The following ADCY7 variants were observed in gnomAD, a reference collection of about 807,000 sequenced individuals.
ADCY7 encodes the protein adenylate cyclase 7, also known as adenylate cyclase type 7.
In ADCY7, 72 loss-of-function variants were observed where a neutral mutation model predicts 120.6. The ratio of observed to expected loss-of-function variants is 0.60; its 90% CI spans 0.49 to 0.73. The LOEUF (loss-of-function observed/expected upper bound fraction) is 0.73, where lower values mean the gene tolerates loss of function less well. ADCY7 is among the 30% of genes least tolerant of loss of function. The pLI, the probability that ADCY7 is intolerant of heterozygous loss-of-function variation, is 0.00. For synonymous variants in ADCY7, 661 were observed against 628.0 expected, an observed-to-expected ratio of 1.05 and a Z score of -0.78; for missense variants, 1,227 against 1,486.0, an observed-to-expected ratio of 0.83 and a Z score of 2.87.
intron 1 of ADCY7, among the ~76,000 whole-genome samples, chr16:50,282,459 G>C (rs2150910828): frequency 6.6e-6 from 1 of 152,286 alleles, no homozygotes; most frequent in South Asian, 2.1e-4. Context: ...AGGGATAAGG[G>C]AGTGTGTGTG....
At chr16:50,291,322 G>T (rs994723880) in intron 3 of ADCY7, among the ~76,000 whole-genome samples, 2 of 151,638 alleles carry the variant, frequency 1.3e-5, no homozygotes, top group African/African-American at 2.4e-5. Context: ...AGGACCAGCC[G>T]GTGGGGATGG....
chr16:50,308,357 G>A lies in ADCY7; in HGVS notation c.1881G>A (p.Leu627=). ...CGGCACTGGGTGTGTCCTTCGGGCT[G>A]GTGGCCTGTGTACTGGGGCTGGTGC... is the stretch of plus-strand genomic sequence containing the variant. ...RTAALGVSFG[L]VACVLGLVLG... Residue 627 remains leucine (L), a synonymous_variant, in exon 16 of 26, where the codon CTG becomes CTA. Coordinates refer to ENST00000673801, the MANE Select transcript of ADCY7 (RefSeq NM_001114.5). The A allele has an allele frequency of 1.2e-6, 2 of 1,614,186 alleles. No homozygotes were observed. The highest frequency in any genetic ancestry group is 2.7e-5 in the African/African-American group (2 of 75,050).
At chr16:50,315,325 C>A in intron 25 of ADCY7, 34 bp from the exon 26 acceptor site, 1 of 1,595,944 alleles carries the variant, frequency 6.3e-7, no homozygotes, top group East Asian at 2.3e-5. Context: ...GTTCTTCCCG[C>A]CTCTGAAGAC....
At chr16:50,287,828 A>G in intron 1 of ADCY7, 84 bp from the exon 2 acceptor site, 1 of 267,082 alleles carries the variant, frequency 3.7e-6, no homozygotes, top group Non-Finnish European at 7.0e-6. Context: ...TGGTGCTGTG[A>G]GGCCTGGGCC....
At chr16:50,245,828 C>T (rs901459486), upstream of ADCY7, among the ~76,000 whole-genome samples, 3 of 152,256 alleles carry the variant, frequency 2.0e-5, no homozygotes, top group East Asian at 5.8e-4. Context: ...CGGCCTGGCG[C>T]TCCCCAGCAC....
chr16:50,265,186 G>A (rs888721635), upstream of ADCY7, among the ~76,000 whole-genome samples: 5 of 152,170 alleles, frequency 3.3e-5, no homozygotes, highest in African/African-American at 4.8e-5. Flanking sequence ...AGTCATATAG[G>A]ATGTGACTTT....
Position 50,315,090 on chromosome 16 carries a change from C to T in ADCY7, c.3048C>T (p.Val1016=). ...KPQYDIWGNT[V]NVASRMESTG... ...AGTATGACATCTGGGGAAACACTGT[C>T]AATGTGGCCAGCCGAATGGAAAGCA... is the stretch of plus-strand genomic sequence containing the variant. Residue 1016 remains valine, a synonymous_variant, in exon 25 of 26, where the codon GTC becomes GTT. Coordinates refer to ENST00000673801, the MANE Select transcript of ADCY7 (RefSeq NM_001114.5). 6.2e-7 allele frequency: 1 copy of T among 1,614,206 alleles called. No individual in the cohort carries two copies. Among genetic ancestry groups the T allele is most frequent in the South Asian group, 1.1e-5 (1 of 91,080 alleles).
upstream of ADCY7, among the ~76,000 whole-genome samples, chr16:50,265,088 T>C (rs1279520684): frequency 6.6e-6 from 1 of 152,070 alleles, no homozygotes; most frequent in Non-Finnish European, 1.5e-5. Context: ...CCGCCCACCT[T>C]AGCCTCCCAA....
intron 10 of ADCY7, among the ~76,000 whole-genome samples, chr16:50,304,110 G>A (rs1377902514): frequency 6.6e-6 from 1 of 152,142 alleles, no homozygotes; most frequent in Non-Finnish European, 1.5e-5. Context: ...TCTCGGCCTG[G>A]GGAAAGGCCA....
chr16:50,259,041 T>C (rs2032992531), intron 1 of ADCY7, among the ~76,000 whole-genome samples: 3 of 152,192 alleles, frequency 2.0e-5, no homozygotes. Context: ...TAGCTGGTTT[T>C]CCTCCTCTGT....
intron 1 of ADCY7, among the ~76,000 whole-genome samples, chr16:50,286,832 G>A (rs1016968287): frequency 2.0e-5 from 3 of 152,220 alleles, no homozygotes; most frequent in Non-Finnish European, 4.4e-5. Flanking sequence ...GAAAAAAGAA[G>A]TGAACCTTGA....
upstream of ADCY7, among the ~76,000 whole-genome samples, chr16:50,265,427 C>A (rs1705707543): frequency 6.6e-6 from 1 of 152,216 alleles, no homozygotes; most frequent in Admixed American, 6.5e-5. Context: ...CTGCTAGTTC[C>A]CTGCATGGGG....
At position 50,312,199 on chromosome 16, in the gene ADCY7, G is replaced by C. The variant is rs1261032990; in HGVS notation, c.2604+8G>C. ...GGTGACAAGTTAAACGAGGTGTGCT[G>C]AGAAGGGGCTGGGGCGGGGGCAGGG... On this transcript the variant is annotated splice_region_variant and intron_variant, in intron 21 of 25. Coordinates refer to ENST00000673801, the MANE Select transcript of ADCY7 (RefSeq NM_001114.5). 3 of 1,604,112 alleles carry C rather than the reference G, an allele frequency of 1.9e-6. No individual in the cohort carries two copies. The highest frequency in any genetic ancestry group is 2.5e-6 in the Non-Finnish European group (3 of 1,177,508).
chr16:50,252,985 T>G (rs1261941652), intron 1 of ADCY7, among the ~76,000 whole-genome samples: 1 of 152,226 alleles, frequency 6.6e-6, no homozygotes, highest in Non-Finnish European at 1.5e-5. Context: ...CAACTTTCTT[T>G]ATTGTCCTCT....
chr16:50,305,729 T>TA, intron 13 of ADCY7, 48 bp from the exon 14 acceptor site: 1 of 1,544,696 alleles, frequency 6.5e-7, no homozygotes, highest in South Asian at 1.1e-5. Context: ...CCTGAGGGAA[T>TA]GGACCCCTTC....
upstream of ADCY7, among the ~76,000 whole-genome samples, chr16:50,265,135 C>A (rs1167485902): frequency 1.3e-5 from 2 of 152,170 alleles, no homozygotes; most frequent in East Asian, 3.9e-4. Flanking sequence ...CCATGCCAAG[C>A]CTGGGAGATC....
At chr16:50,286,765 T>C (rs993397300) in intron 1 of ADCY7, among the ~76,000 whole-genome samples, 1 of 152,182 alleles carries the variant, frequency 6.6e-6, no homozygotes, top group Admixed American at 6.5e-5. Context: ...CCACTGAAAT[T>C]CAGAGAGAGG....
chr16:50,309,823 C>T (rs1036411075), intron 18 of ADCY7, among the ~76,000 whole-genome samples, 177 bp downstream of exon 18: 1 of 152,218 alleles, frequency 6.6e-6, no homozygotes, highest in Non-Finnish European at 1.5e-5. Context: ...CAGCTGGCCT[C>T]TGGCCCAAGG....
At chr16:50,266,844 G>T (rs889830598) in intron 1 of ADCY7, among the ~76,000 whole-genome samples, 164 bp downstream of exon 1, 4 of 152,154 alleles carry the variant, frequency 2.6e-5, no homozygotes, top group African/African-American at 9.7e-5. Context: ...GAGCCTACTG[G>T]GCAGATGGCT....
Sources: gnomAD v4.1 joint callset for allele counts (sites outside exome capture counted in the v4.1 genomes callset) on GRCh38, gnomAD v4.1.1 for gene constraint, MANE v1.5 for transcripts, NCBI Gene and HGNC (gene_info 2026-07-23, HGNC 2026-07-21) for gene names.